The following PRORP variants were observed in gnomAD, a reference collection of about 807,000 sequenced individuals.
PRORP encodes mitochondrial ribonuclease P catalytic subunit.
A neutral mutation model predicts 59.4 loss-of-function variants in PRORP; 51 were observed. That is an observed-to-expected ratio of 0.86 (90% CI 0.69 to 1.08). The LOEUF (loss-of-function observed/expected upper bound fraction) is 1.08, where lower values mean the gene tolerates loss of function less well. Among genes scored for constraint, PRORP ranks in the 50% least tolerant of loss-of-function variants. The pLI, the probability that PRORP is intolerant of heterozygous loss-of-function variation, is 0.00. For missense variants in PRORP, 646 were observed against 690.3 expected (o/e 0.94, Z 0.72); for synonymous variants, 231 against 245.6 (o/e 0.94, Z 0.55).
chr14:35,181,988 G>C (rs2048622646), intron 5 of PRORP, among the ~76,000 whole-genome samples: 1 of 152,092 alleles, frequency 6.6e-6, no homozygotes, highest in Non-Finnish European at 1.5e-5. Context: ...TGTAGGCCAG[G>C]CATGGTGGGT....
chr14:35,124,204 C>T lies in PRORP; in HGVS notation c.959C>T (p.Ala320Val). Residue 320 changes from alanine to valine, a missense_variant, in exon 2 of 8, where the codon GCA becomes GTA. Transcript: ENST00000534898. ...CAGCTGTATCCAGGGGAGTCATTTG[C>T]ACACAGTATAAAAACATGGTTTGAG... is the stretch of plus-strand genomic sequence containing the variant. ...NNQLYPGESFAHSIKTWFESV... is the reference protein window; with the variant it reads ...NNQLYPGESFVHSIKTWFESV... 5 of 1,567,304 alleles carry T rather than the reference C, an allele frequency of 3.2e-6. No homozygotes were observed. The highest frequency in any genetic ancestry group is 4.3e-6 in the Non-Finnish European group (5 of 1,161,882).
intron 5 of PRORP, among the ~76,000 whole-genome samples, chr14:35,250,072 A>G (rs1321655893): frequency 4.7e-4 from 72 of 151,698 alleles, no homozygotes; most frequent in Admixed American, 4.7e-3. Flanking sequence ...ACATGGCGAA[A>G]CCCTGTCTCT....
intron 4 of PRORP, among the ~76,000 whole-genome samples, chr14:35,146,334 C>G (rs759129283): frequency 2.6e-5 from 4 of 152,144 alleles, no homozygotes; most frequent in Non-Finnish European, 1.5e-5. Context: ...GATAGTATCT[C>G]TTCAGTTTAT....
intron 4 of PRORP, among the ~76,000 whole-genome samples, chr14:35,148,766 A>G (rs897280352): frequency 5.3e-5 from 8 of 152,290 alleles, no homozygotes; most frequent in Non-Finnish European, 8.8e-5. Context: ...AGCCACCTTC[A>G]TCAGTGATCT....
chr14:35,134,967 A>G (rs750442906), intron 4 of PRORP, among the ~76,000 whole-genome samples: 1 of 152,130 alleles, frequency 6.6e-6, no homozygotes, highest in Non-Finnish European at 1.5e-5. Flanking sequence ...AACCACTGGG[A>G]TGGGCAATTT....
intron 4 of PRORP, among the ~76,000 whole-genome samples, chr14:35,161,911 C>T (rs1009031729): frequency 2.6e-5 from 4 of 152,064 alleles, no homozygotes; most frequent in African/African-American, 9.7e-5. Context: ...TGCTAGGGAG[C>T]ATGCATCTTT....
chr14:35,177,273 G>A (rs2139022588), intron 4 of PRORP, among the ~76,000 whole-genome samples: 1 of 152,296 alleles, frequency 6.6e-6, no homozygotes, highest in South Asian at 2.1e-4. Flanking sequence ...GAGTTAGGGA[G>A]GATTCCCTCT....
At chr14:35,125,057 G>A (rs2047064531) in intron 2 of PRORP, among the ~76,000 whole-genome samples, 1 of 151,840 alleles carries the variant, frequency 6.6e-6, no homozygotes, top group South Asian at 2.1e-4. Flanking sequence ...TAGAGACGGG[G>A]TTTCTCTATG....
chr14:35,258,974 C>A (rs2050829036), intron 5 of PRORP, among the ~76,000 whole-genome samples: 2 of 152,170 alleles, frequency 1.3e-5, no homozygotes, highest in Non-Finnish European at 2.9e-5. Flanking sequence ...ATTCATGAAC[C>A]TGGACGATGG....
intron 4 of PRORP, among the ~76,000 whole-genome samples, chr14:35,154,176 C>G (rs1339290210): frequency 1.3e-5 from 2 of 152,224 alleles, no homozygotes; most frequent in East Asian, 3.9e-4. Flanking sequence ...CTAGTGGGAA[C>G]AGAGATGAGA....
At chr14:35,166,221 A>G (rs1422072385) in intron 4 of PRORP, among the ~76,000 whole-genome samples, 3 of 152,022 alleles carry the variant, frequency 2.0e-5, no homozygotes, top group African/African-American at 7.2e-5. Flanking sequence ...ATGTTCTAGT[A>G]TATTAGTTCT....
intron 4 of PRORP, among the ~76,000 whole-genome samples, chr14:35,131,478 G>A (rs962374398): frequency 6.6e-6 from 1 of 151,830 alleles, no homozygotes; most frequent in Admixed American, 6.6e-5. Context: ...TCTGCTGCCA[G>A]ATGTATTTTA....
intron 5 of PRORP, among the ~76,000 whole-genome samples, chr14:35,190,033 C>T (rs1008038606): frequency 3.3e-5 from 5 of 150,950 alleles, no homozygotes; most frequent in Admixed American, 6.6e-5. Context: ...CGCTTGAACC[C>T]GGCAGCAGAG....
chr14:35,225,960 A>C (rs2049923866), intron 5 of PRORP, among the ~76,000 whole-genome samples: 1 of 152,182 alleles, frequency 6.6e-6, no homozygotes, highest in African/African-American at 2.4e-5. Context: ...CCTCTAGCCT[A>C]ACCAAAGCTG....
At chr14:35,152,829 G>C (rs1473390897) in intron 4 of PRORP, among the ~76,000 whole-genome samples, 2 of 151,682 alleles carry the variant, frequency 1.3e-5, no homozygotes, top group African/African-American at 2.4e-5. Context: ...CATCTCAGAC[G>C]GTGGGCGGCC....
At chr14:35,176,629 A>G (rs1196797219) in intron 4 of PRORP, among the ~76,000 whole-genome samples, 1 of 152,220 alleles carries the variant, frequency 6.6e-6, no homozygotes, top group Non-Finnish European at 1.5e-5. Flanking sequence ...TATCAGCTTA[A>G]GGAGATTTTG....
At chr14:35,231,753 G>A (rs1219540702) in intron 5 of PRORP, among the ~76,000 whole-genome samples, 3 of 152,180 alleles carry the variant, frequency 2.0e-5, no homozygotes, top group Admixed American at 2.0e-4. Context: ...TACCCCAGGG[G>A]TCCTTAGAAA....
At chr14:35,195,554 A>G (rs1362928162) in intron 5 of PRORP, among the ~76,000 whole-genome samples, 2 of 152,164 alleles carry the variant, frequency 1.3e-5, no homozygotes, top group Non-Finnish European at 2.9e-5. Flanking sequence ...TTTTACAAAT[A>G]CTTTTTCTAG....
At chr14:35,175,468 T>C (rs867347737) in intron 4 of PRORP, among the ~76,000 whole-genome samples, 6,012 of 152,214 alleles carry the variant, frequency 0.039, 384 homozygotes, top group African/African-American at 0.13. Context: ...CATTGTGGTT[T>C]TGATTTGCAT....
Sources: gnomAD v4.1 joint callset for allele counts (sites outside exome capture counted in the v4.1 genomes callset) on GRCh38, gnomAD v4.1.1 for gene constraint, MANE v1.5 for transcripts, NCBI Gene and HGNC (gene_info 2026-07-23, HGNC 2026-07-21) for gene names.